Variants in EYS observed in about 807,000 individuals in gnomAD.
EYS encodes the protein EGF-like photoreceptor maintenance factor.
EYS carries 250 observed loss-of-function variants against 282.1 expected under a neutral mutation model. That is an observed-to-expected ratio of 0.89 (90% CI 0.80 to 0.98). The LOEUF (loss-of-function observed/expected upper bound fraction) is 0.98. Among genes scored for constraint, EYS ranks in the 50% least tolerant of loss-of-function variants. The probability of loss-of-function intolerance (pLI) is 0.00; values close to 1 mark genes in which losing one functional copy is unlikely to be tolerated. For synonymous variants in EYS, 1,355 were observed against 1,282.9 expected (o/e 1.06, Z -1.20); for missense variants, 4,016 against 3,709.0 (o/e 1.08, Z -2.15).
intron 6 of EYS, among the ~76,000 whole-genome samples, chr6:65,403,103 G>A (rs185396689): frequency 3.9e-5 from 6 of 152,104 alleles, no homozygotes; most frequent in African/African-American, 1.2e-4. Flanking sequence ...GACACTTTCC[G>A]ATGGCAACCT....
chr6:65,626,338 TTGA>T (rs1766690637), intron 2 of EYS, among the ~76,000 whole-genome samples: 1 of 152,316 alleles, frequency 6.6e-6, no homozygotes, highest in African/African-American at 2.4e-5. Context: ...TAGAGTTTGC[TTGA>T]ATTCTAAGGC....
chr6:64,357,579 A>G (rs1461408200), intron 29 of EYS, among the ~76,000 whole-genome samples: 2 of 151,536 alleles, frequency 1.3e-5, no homozygotes, highest in African/African-American at 4.8e-5. Context: ...TGTGTGAACG[A>G]AATTTTGAAA....
At chr6:64,149,659 G>T (rs145293564) in intron 31 of EYS, among the ~76,000 whole-genome samples, 1 of 152,174 alleles carries the variant, frequency 6.6e-6, no homozygotes, top group African/African-American at 2.4e-5. Flanking sequence ...GGCATGTCCA[G>T]TTTATAAATG....
In EYS at chr6:64,878,916, C is replaced by T. The variant is rs573435209; in HGVS notation, c.2992+7781G>A. On this transcript the variant is annotated intron_variant, in intron 19 of 42. Coordinates refer to ENST00000503581, the MANE Select transcript of EYS (RefSeq NM_001142800.2). The stretch of plus-strand genomic sequence containing the variant: ...CTTTCCTGCTGCAACTTCTATCCTC[C>T]TGGTGTTTATTTTGCCCTGTGCTAG... Among the ~76,000 whole-genome samples the T allele has an allele frequency of 3.3e-5, 5 of 152,194 alleles. No individual in the cohort carries two copies. The South Asian group carries it at 1.0e-3, about 32-fold the overall frequency.
Position 64,125,709 on chromosome 6 carries a change from C to T in EYS, c.6425-43707G>A, listed in dbSNP as rs139918769. 6.5e-3 allele frequency among the ~76,000 whole-genome samples: 973 copies of T among 149,812 alleles called. 9 individuals carry two copies. Among genetic ancestry groups the T allele is most frequent in the African/African-American group, 0.022 (900 of 40,230 alleles). On this transcript the variant is annotated intron_variant, in intron 31 of 42. Coordinates refer to ENST00000503581, the MANE Select transcript of EYS (RefSeq NM_001142800.2). ...AGTGAGGCAGGAGAATGGCGTGAAC[C>T]CGGGAGGCGGAGCTTGCAGTGAGAG... is the stretch of plus-strand genomic sequence containing the variant.
chr6:65,571,056 A>G (rs1764462033), intron 2 of EYS, among the ~76,000 whole-genome samples: 1 of 152,062 alleles, frequency 6.6e-6, no homozygotes, highest in Non-Finnish European at 1.5e-5. Context: ...GCGGGAGAAT[A>G]TATATTACAC....
chr6:63,980,948 A>G (rs1449894126), intron 35 of EYS, among the ~76,000 whole-genome samples: 1 of 151,916 alleles, frequency 6.6e-6, no homozygotes, highest in East Asian at 1.9e-4. Flanking sequence ...GTCAGTTCAG[A>G]TCCATTTTGT....
intron 12 of EYS, among the ~76,000 whole-genome samples, chr6:65,156,882 C>A (rs778293240): frequency 6.6e-6 from 1 of 150,958 alleles, no homozygotes; most frequent in East Asian, 2.0e-4. Context: ...CTTGGATTAT[C>A]CCTCTGACAA....
At chr6:64,529,838 GT>G (rs1379766165) in intron 26 of EYS, among the ~76,000 whole-genome samples, 1 of 138,794 alleles carries the variant, frequency 7.2e-6, no homozygotes, top group African/African-American at 2.5e-5. Flanking sequence ...TTAAAATAAA[GT>G]TTTGAAATGT....
intron 29 of EYS, among the ~76,000 whole-genome samples, chr6:64,319,273 ATTAT>A (rs749248145): frequency 3.9e-5 from 6 of 152,110 alleles, no homozygotes; most frequent in African/African-American, 1.2e-4. Context: ...TTGTAGATTT[ATTAT>A]TTATTTGTTT....
intron 19 of EYS, among the ~76,000 whole-genome samples, chr6:64,832,574 A>G (rs1562215503): frequency 2.0e-5 from 3 of 151,890 alleles, no homozygotes; most frequent in Non-Finnish European, 4.4e-5. Flanking sequence ...GAGTATTAGG[A>G]TAGGTTGCAT....
At chr6:65,555,706 A>T (rs2127338847) in intron 2 of EYS, among the ~76,000 whole-genome samples, 1 of 152,268 alleles carries the variant, frequency 6.6e-6, no homozygotes, top group South Asian at 2.1e-4. Flanking sequence ...TTACTTTCGT[A>T]ATTAGTTTTT....
intron 19 of EYS, among the ~76,000 whole-genome samples, chr6:64,856,643 GTTAT>G (rs2150045576): frequency 6.6e-6 from 1 of 152,186 alleles, no homozygotes; most frequent in African/African-American, 2.4e-5. Flanking sequence ...TCATTTAAGA[GTTAT>G]TTGTGTATTT....
chr6:63,941,207 G>A (rs981004318), intron 35 of EYS, among the ~76,000 whole-genome samples: 8 of 152,126 alleles, frequency 5.3e-5, no homozygotes, highest in African/African-American at 1.9e-4. Context: ...CCAGTAATGG[G>A]ATGGCTGGGT....
intron 36 of EYS, among the ~76,000 whole-genome samples, chr6:63,846,762 T>C (rs1388418308): frequency 2.0e-5 from 3 of 152,040 alleles, no homozygotes; most frequent in Non-Finnish European, 4.4e-5. Context: ...CTGGCAAAAA[T>C]CCCTTACTCA....
Position 63,805,263 on chromosome 6 carries a change from G to A in EYS, c.7411+927C>T, listed in dbSNP as rs190791327. Among the ~76,000 whole-genome samples the A allele has an allele frequency of 2.6e-5, 4 of 152,294 alleles. No individual in the cohort carries two copies. In the East Asian group the frequency reaches 7.7e-4, roughly 29 times the overall value. On this transcript the variant is annotated intron_variant, in intron 37 of 42. Coordinates refer to ENST00000503581, the MANE Select transcript of EYS (RefSeq NM_001142800.2). ...AAGTAAAACATAGGTAATTTTCCTT[G>A]ACTTAGCACATGCATAACTAGTTTC... is the stretch of plus-strand genomic sequence containing the variant.
intron 31 of EYS, among the ~76,000 whole-genome samples, chr6:64,152,237 T>G (rs1774766742): frequency 6.6e-6 from 1 of 152,166 alleles, no homozygotes; most frequent in Non-Finnish European, 1.5e-5. Context: ...CTGGACAAGT[T>G]GTAAAAATAA....
At chr6:65,149,665 A>G (rs1223194492) in intron 12 of EYS, among the ~76,000 whole-genome samples, 1 of 152,074 alleles carries the variant, frequency 6.6e-6, no homozygotes, top group Admixed American at 6.6e-5. Flanking sequence ...TGTCTCTAGG[A>G]AGTTCCAAAC....
chr6:64,081,793 T>C (rs574797925), intron 32 of EYS, 63 bp downstream of exon 32: 627 of 1,255,476 alleles, frequency 5.0e-4, no homozygotes, highest in Non-Finnish European at 6.5e-4. Flanking sequence ...AAATCATTGA[T>C]TCAATAGATC....
Sources: gnomAD v4.1 joint callset for allele counts (sites outside exome capture counted in the v4.1 genomes callset) on GRCh38, gnomAD v4.1.1 for gene constraint, MANE v1.5 for transcripts, NCBI Gene and HGNC (gene_info 2026-07-23, HGNC 2026-07-21) for gene names.